TNS3: variants seen among roughly 807,000 people sequenced by gnomAD.
TNS3 encodes the protein tensin 3, also known as tensin-3.
A neutral mutation model predicts 140.9 loss-of-function variants in TNS3; 45 were observed. That is an observed-to-expected ratio of 0.32 (90% CI 0.25 to 0.41). TNS3 has a LOEUF of 0.41. TNS3 is among the 10% of genes least tolerant of loss of function. The pLI is 1.00. For missense variants in TNS3, 1,716 were observed against 1,906.7 expected (o/e 0.90, Z 1.86); for synonymous variants, 815 against 788.4 (o/e 1.03, Z -0.56).
intron 1 of TNS3, among the ~76,000 whole-genome samples, chr7:47,544,298 G>C (rs1349079966): frequency 1.3e-5 from 2 of 152,054 alleles, no homozygotes; most frequent in African/African-American, 4.8e-5. Flanking sequence ...GGGCCCACCT[G>C]TCTCCACCTC....
intron 24 of TNS3, among the ~76,000 whole-genome samples, chr7:47,295,283 G>T (rs2150641354): frequency 6.6e-6 from 1 of 152,282 alleles, no homozygotes; most frequent in South Asian, 2.1e-4. Context: ...ATTCCAAAAA[G>T]ATAATGCATG....
At chr7:47,426,368 T>C (rs1333236374) in intron 9 of TNS3, among the ~76,000 whole-genome samples, 1 of 152,176 alleles carries the variant, frequency 6.6e-6, no homozygotes, top group Non-Finnish European at 1.5e-5. Context: ...TTGAATAAAG[T>C]GCTATGCTGC....
At chr7:47,462,751 G>A (rs911422713) in intron 4 of TNS3, among the ~76,000 whole-genome samples, 10 of 152,038 alleles carry the variant, frequency 6.6e-5, no homozygotes, top group African/African-American at 1.9e-4. Context: ...AGGGACCATC[G>A]ACTTTTCTAC....
intron 10 of TNS3, among the ~76,000 whole-genome samples, chr7:47,417,706 A>C (rs893323706): frequency 1.3e-5 from 2 of 152,218 alleles, no homozygotes; most frequent in African/African-American, 4.8e-5. Flanking sequence ...AGGTAAATGT[A>C]ATTTTTTTTC....
At chr7:47,464,332 C>T (rs1013088220) in intron 4 of TNS3, among the ~76,000 whole-genome samples, 4 of 151,962 alleles carry the variant, frequency 2.6e-5, no homozygotes, top group African/African-American at 7.2e-5. Flanking sequence ...GTCATCTGCC[C>T]GGGATGGAAA....
At chr7:47,397,005 G>A in intron 15 of TNS3, 101 bp from the exon 16 acceptor site, 2 of 815,014 alleles carry the variant, frequency 2.5e-6, no homozygotes, top group South Asian at 3.0e-5. Flanking sequence ...ACTTGAGCAG[G>A]AGAGAGAAGC....
At chr7:47,457,134 A>AG (rs1562766133) in intron 4 of TNS3, among the ~76,000 whole-genome samples, 2 of 9,608 alleles carry the variant, frequency 2.1e-4, no homozygotes, top group Non-Finnish European at 3.9e-4. Context: ...AGGGGAGGGG[A>AG]GGAGGGGAGG....
intron 18 of TNS3, 105 bp from the exon 19 acceptor site, chr7:47,345,143 C>G: frequency 3.7e-6 from 3 of 801,658 alleles, no homozygotes; most frequent in Non-Finnish European, 6.3e-6. Flanking sequence ...TGAGCAAACC[C>G]CTCCTCTGAC....
chr7:47,448,084 A>G (rs1345365116), intron 4 of TNS3, among the ~76,000 whole-genome samples: 1 of 152,214 alleles, frequency 6.6e-6, no homozygotes, highest in African/African-American at 2.4e-5. Flanking sequence ...AGATTCCCCA[A>G]GGCCACTGCC....
chr7:47,537,866 G>T (rs77742508), intron 1 of TNS3, among the ~76,000 whole-genome samples: 3 of 152,054 alleles, frequency 2.0e-5, no homozygotes, highest in Admixed American at 2.0e-4. Context: ...ACCAGGTAAG[G>T]ATTTCAAGCA....
intron 16 of TNS3, among the ~76,000 whole-genome samples, chr7:47,392,820 G>T (rs1332064875): frequency 6.6e-6 from 1 of 152,228 alleles, no homozygotes; most frequent in Non-Finnish European, 1.5e-5. Context: ...AATTCAACAA[G>T]GATGAGTTTT....
At chr7:47,361,731 AG>A (rs1311616326) in intron 17 of TNS3, among the ~76,000 whole-genome samples, 6 of 152,308 alleles carry the variant, frequency 3.9e-5, no homozygotes, top group Non-Finnish European at 8.8e-5. Flanking sequence ...ACAGGTTATC[AG>A]CCATGGGTTA....
chr7:47,395,142 A>C (rs1314944254), intron 16 of TNS3, among the ~76,000 whole-genome samples: 1 of 152,140 alleles, frequency 6.6e-6, no homozygotes, highest in Admixed American at 6.5e-5. Context: ...GCATCACGAG[A>C]ATGACCTTTC....
At chr7:47,310,485 C>T (rs1189086217) in intron 20 of TNS3, among the ~76,000 whole-genome samples, 19 of 152,054 alleles carry the variant, frequency 1.2e-4, no homozygotes, top group Non-Finnish European at 1.5e-5. Flanking sequence ...AAGAACATGC[C>T]TCCCCCACCC....
chr7:47,303,055 A>C lies in TNS3; in HGVS notation c.3352T>G (p.Ser1118Ala). ...DRSLGSVSPS[S>A]SGFSSPHSGS... ...CTGTGCGGGCTGGAGAAGCCACTGGAGGAGGGAGAGACTGAGCCCAAAGAA... is the reference window on the plus strand; with the variant it reads ...CTGTGCGGGCTGGAGAAGCCACTGGCGGAGGGAGAGACTGAGCCCAAAGAA... The change falls in exon 22 of 31, where the codon TCC becomes GCC. Residue 1118 changes from serine to alanine, a missense_variant. Physicochemically the swap from Ser to Ala is moderately conservative, Grantham distance 99 (BLOSUM62 1). Coordinates refer to ENST00000311160, the MANE Select transcript of TNS3 (RefSeq NM_022748.12). The C allele has an allele frequency of 6.2e-7, 1 of 1,613,962 alleles. No individual in the cohort carries two copies. Among genetic ancestry groups the C allele is most frequent in the Non-Finnish European group, 8.5e-7 (1 of 1,179,892 alleles).
intron 4 of TNS3, among the ~76,000 whole-genome samples, chr7:47,477,417 G>C (rs555714809): frequency 1.1e-4 from 17 of 152,272 alleles, no homozygotes; most frequent in African/African-American, 4.1e-4. Context: ...GGGAGGGGCC[G>C]CCAGCACAGG....
intron 1 of TNS3, among the ~76,000 whole-genome samples, chr7:47,546,822 G>C (rs562788267): frequency 6.6e-6 from 1 of 152,300 alleles, no homozygotes; most frequent in South Asian, 2.1e-4. Flanking sequence ...CGTGTGCCAA[G>C]ACCACGGTCT....
intron 2 of TNS3, among the ~76,000 whole-genome samples, chr7:47,528,738 A>T (rs570320989): frequency 2.0e-4 from 30 of 152,358 alleles, no homozygotes; most frequent in African/African-American, 7.2e-4. Flanking sequence ...AAACTAAACA[A>T]CCTGAGTTAC....
intron 3 of TNS3, among the ~76,000 whole-genome samples, chr7:47,497,240 C>T (rs1798046532): frequency 6.6e-6 from 1 of 152,168 alleles, no homozygotes; most frequent in Non-Finnish European, 1.5e-5. Context: ...AATCTACTAG[C>T]GTCAGTACCA....
Sources: gnomAD v4.1 joint callset for allele counts (sites outside exome capture counted in the v4.1 genomes callset) on GRCh38, gnomAD v4.1.1 for gene constraint, MANE v1.5 for transcripts, NCBI Gene and HGNC (gene_info 2026-07-23, HGNC 2026-07-21) for gene names.